The following MDGA2 variants were observed in gnomAD, a reference collection of about 807,000 sequenced individuals.
MDGA2 encodes the protein MAM domain-containing glycosylphosphatidylinositol anchor protein 2.
Under a neutral mutation model 117.8 loss-of-function variants are expected in MDGA2, and 40 were observed. That is an observed-to-expected ratio of 0.34 (90% confidence interval 0.26 to 0.44). The LOEUF is 0.44. Among genes scored for constraint, MDGA2 ranks in the 20% least tolerant of loss-of-function variants. The pLI is 1.00. For synonymous variants in MDGA2, 452 were observed against 439.0 expected (o/e 1.03, Z -0.37); for missense variants, 1,123 against 1,250.6 (o/e 0.90, Z 1.54).
intron 10 of MDGA2, among the ~76,000 whole-genome samples, chr14:46,886,993 T>TG (rs1882702370): frequency 6.6e-6 from 1 of 152,034 alleles, no homozygotes; most frequent in South Asian, 2.1e-4. Flanking sequence ...GATCTAAAAA[T>TG]ACGATCTTTA....
At chr14:46,883,975 T>C (rs1297168700) in intron 10 of MDGA2, among the ~76,000 whole-genome samples, 6 of 152,150 alleles carry the variant, frequency 3.9e-5, no homozygotes, top group African/African-American at 1.4e-4. Flanking sequence ...GTATCCTTTT[T>C]CATGGGGCTT....
intron 5 of MDGA2, among the ~76,000 whole-genome samples, chr14:47,104,163 CTT>C (rs1292378169): frequency 1.3e-5 from 2 of 152,204 alleles, no homozygotes; most frequent in East Asian, 1.9e-4. Flanking sequence ...TAAACTAAGA[CTT>C]TGCAAAATAT....
chr14:47,408,520 G>A (rs1892307331), intron 1 of MDGA2, among the ~76,000 whole-genome samples: 1 of 152,184 alleles, frequency 6.6e-6, no homozygotes, highest in Admixed American at 6.5e-5. Flanking sequence ...TGAGATGTAG[G>A]GATCCACATG....
At chr14:47,261,440 T>C (rs558210098) in intron 2 of MDGA2, among the ~76,000 whole-genome samples, 1 of 152,208 alleles carries the variant, frequency 6.6e-6, no homozygotes, top group Admixed American at 6.6e-5. Context: ...TAAGTAAGGA[T>C]CAAGTTTTAT....
chr14:47,127,606 A>G (rs577044064), intron 5 of MDGA2, among the ~76,000 whole-genome samples: 1 of 152,268 alleles, frequency 6.6e-6, no homozygotes, highest in Non-Finnish European at 1.5e-5. Context: ...TTTTGCAGTG[A>G]ACATCAATCA....
intron 8 of MDGA2, among the ~76,000 whole-genome samples, chr14:47,022,618 A>G (rs1250087773): frequency 6.6e-6 from 1 of 152,144 alleles, no homozygotes; most frequent in African/African-American, 2.4e-5. Flanking sequence ...AAAGGTACAG[A>G]CTTAGAATTT....
At chr14:47,472,557 G>A (rs975724369) in intron 1 of MDGA2, among the ~76,000 whole-genome samples, 4 of 152,156 alleles carry the variant, frequency 2.6e-5, no homozygotes, top group Non-Finnish European at 5.9e-5. Flanking sequence ...TCCACGACAA[G>A]GTAATGTAGG....
intron 5 of MDGA2, 67 bp downstream of exon 5, chr14:47,131,647 G>T: frequency 1.4e-5 from 18 of 1,290,304 alleles, no homozygotes; most frequent in Non-Finnish European, 1.9e-5. Context: ...CTTTAAAAAA[G>T]TTAAAGAGAG....
At chr14:47,182,086 TG>T (rs1359932114) in intron 3 of MDGA2, among the ~76,000 whole-genome samples, 1 of 152,162 alleles carries the variant, frequency 6.6e-6, no homozygotes, top group African/African-American at 2.4e-5. Context: ...TGCTAGGAGT[TG>T]TTCCAAGTAT....
At chr14:47,050,922 T>A (rs1889436306) in intron 7 of MDGA2, among the ~76,000 whole-genome samples, 2 of 151,996 alleles carry the variant, frequency 1.3e-5, no homozygotes, top group African/African-American at 4.8e-5. Context: ...AATATGGCTC[T>A]GATAATCTTG....
chr14:47,571,455 G>A (rs1313372506), intron 1 of MDGA2, among the ~76,000 whole-genome samples: 8 of 152,094 alleles, frequency 5.3e-5, no homozygotes, highest in African/African-American at 9.7e-5. Context: ...ACATGCACAC[G>A]TATATTTATT....
chr14:46,895,870 C>T (rs1442911749), intron 10 of MDGA2, among the ~76,000 whole-genome samples: 1 of 152,132 alleles, frequency 6.6e-6, no homozygotes, highest in East Asian at 1.9e-4. Flanking sequence ...TTCCATGTGT[C>T]ATTGATAACT....
In MDGA2 at chr14:46,882,266, C is replaced by T. The variant is rs755299454; in HGVS notation, c.2239-45G>A. The T allele has an allele frequency of 2.0e-6, 3 of 1,501,760 alleles. No homozygotes were observed. In the South Asian group the frequency reaches 4.0e-5, roughly 20 times the overall value. The allele number at this position is 1,501,760 out of a possible 1,614,324, so 93.0% of individuals were successfully genotyped here. A position where few individuals can be genotyped will look rare whatever the true frequency, so the allele number is the denominator to read the frequency against. ...AGAATAATGTTCCCAGTATGTTCTT[C>T]AGAGGTACTAAGAAAATTGAAAACA... On this transcript the variant is annotated intron_variant, in intron 10 of 16. Transcript: ENST00000399232.
chr14:47,219,646 A>G lies in MDGA2; in HGVS notation c.421-1451T>C, dbSNP rs73249915. 7.7e-3 allele frequency among the ~76,000 whole-genome samples: 1,175 copies of G among 152,148 alleles called. 14 individuals carry two copies. Among genetic ancestry groups the G allele is most frequent in the African/African-American group, 0.027 (1,123 of 41,594 alleles). On this transcript the variant is annotated intron_variant, in intron 2 of 16. Coordinates refer to ENST00000399232, the MANE Select transcript of MDGA2 (RefSeq NM_001113498.3). ...GCATAGAAATTAGCCTACTGTATGT[A>G]TAAAACTGTAACATTGGAAATGATA...
At position 47,155,885 on chromosome 14, in the gene MDGA2, C is replaced by CTTTTTTTTTTTTTTTTTTTTTT. The variant is rs1883353082; in HGVS notation, c.596-11612_596-11611insAAAAAAAAAAAAAAAAAAAAAA. ...ACAATTCTTTTCTTTTCTTCTTCTTCTTCTTTTTTTTTTTTTTTTTTTTTT... is the reference window on the plus strand; with the variant it reads ...ACAATTCTTTTCTTTTCTTCTTCTTCTTTTTTTTTTTTTTTTTTTTTTTTCTTTTTTTTTTTTTTTTTTTTTT... On this transcript the variant is annotated intron_variant, in intron 3 of 16. Transcript: ENST00000399232. Among the ~76,000 whole-genome samples the CTTTTTTTTTTTTTTTTTTTTTT allele has an allele frequency of 2.5e-5, 2 of 80,446 alleles. 1 individual carries two copies. The highest frequency in any genetic ancestry group is 8.7e-5 in the African/African-American group (2 of 22,970). 52.8% of individuals were successfully genotyped at this position (80,446 alleles called of 152,430 possible).
chr14:47,036,019 C>G lies in MDGA2; in HGVS notation c.1526-715G>C, dbSNP rs1051745724. 2.0e-5 allele frequency among the ~76,000 whole-genome samples: 3 copies of G among 151,530 alleles called. No individual in the cohort carries two copies. The East Asian group carries it at 5.8e-4, about 29-fold the overall frequency. ...GCGCGGTGGCTCACGCCTGTAATCC[C>G]AGCACTTTGGGATAATGAGGCAGGA... On this transcript the variant is annotated intron_variant, in intron 7 of 16. Transcript: ENST00000399232.
chr14:47,065,655 T>C (rs901411181), intron 6 of MDGA2, among the ~76,000 whole-genome samples: 1 of 152,198 alleles, frequency 6.6e-6, no homozygotes, highest in East Asian at 1.9e-4. Context: ...CAATACATAG[T>C]AATTCAATAA....
chr14:47,139,589 A>G (rs1407940781), intron 4 of MDGA2, among the ~76,000 whole-genome samples: 1 of 151,770 alleles, frequency 6.6e-6, no homozygotes, highest in Non-Finnish European at 1.5e-5. Context: ...GTCAATGACT[A>G]TCAACCTAAG....
In MDGA2 at chr14:47,126,159, G is replaced by GTA. The variant is rs1002190089; in HGVS notation, c.925+5553_925+5554dup. Among the ~76,000 whole-genome samples, 33 of 152,026 alleles carry GTA rather than the reference G, an allele frequency of 2.2e-4. 1 individual carries two copies. The highest frequency in any genetic ancestry group is 7.2e-4 in the African/African-American group (30 of 41,514). ...CATTAAGAATTTACCAATCAAGGGA[G>GTA]TATATATTCATGGCAATTTGAATTT... On this transcript the variant is annotated intron_variant, in intron 5 of 16. Coordinates refer to ENST00000399232, the MANE Select transcript of MDGA2 (RefSeq NM_001113498.3).
Sources: gnomAD v4.1 joint callset for allele counts (sites outside exome capture counted in the v4.1 genomes callset) on GRCh38, gnomAD v4.1.1 for gene constraint, MANE v1.5 for transcripts, NCBI Gene and HGNC (gene_info 2026-07-23, HGNC 2026-07-21) for gene names.